Variants in CACNA1E observed in about 807,000 individuals in gnomAD.
The protein encoded by CACNA1E is calcium voltage-gated channel subunit alpha1 E, also known as voltage-dependent R-type calcium channel subunit alpha-1E.
CACNA1E carries 40 observed loss-of-function variants against 259.2 expected under a neutral mutation model. The ratio of observed to expected loss-of-function variants is 0.15; its 90% CI spans 0.12 to 0.20. CACNA1E has a LOEUF of 0.20. Among genes scored for constraint, CACNA1E ranks in the 10% least tolerant of loss-of-function variants. The pLI, the probability that CACNA1E is intolerant of heterozygous loss-of-function variation, is 1.00. For synonymous variants in CACNA1E, 1,104 were observed against 1,138.5 expected, an observed-to-expected ratio of 0.97 and a Z score of 0.61; for missense variants, 1,874 against 3,040.1, an observed-to-expected ratio of 0.62 and a Z score of 9.02.
intron 3 of CACNA1E, among the ~76,000 whole-genome samples, chr1:181,541,268 A>G (rs1200108953): frequency 6.6e-6 from 1 of 152,206 alleles, no homozygotes; most frequent in East Asian, 1.9e-4. Context: ...TTAGGCAGAA[A>G]TGTTGTACTT....
At chr1:181,418,899 T>C (rs1014285472) in intron 2 of CACNA1E, among the ~76,000 whole-genome samples, 6 of 152,062 alleles carry the variant, frequency 3.9e-5, no homozygotes, top group African/African-American at 7.2e-5. Flanking sequence ...TAAATATTAA[T>C]TAATTTATCC....
intron 6 of CACNA1E, among the ~76,000 whole-genome samples, chr1:181,616,271 A>G (rs868717946): frequency 1.3e-5 from 2 of 151,618 alleles, no homozygotes; most frequent in Non-Finnish European, 2.9e-5. Flanking sequence ...AGATTGAAGT[A>G]TTTTCTTCCT....
chr1:181,659,000 C>A (rs1248825745), intron 7 of CACNA1E, among the ~76,000 whole-genome samples: 1 of 151,948 alleles, frequency 6.6e-6, no homozygotes, highest in South Asian at 2.1e-4. Context: ...GAGCTTTCTC[C>A]TTAGAGTGGG....
intron 1 of CACNA1E, among the ~76,000 whole-genome samples, chr1:181,502,117 G>A (rs946799997): frequency 9.9e-5 from 15 of 152,058 alleles, no homozygotes; most frequent in Non-Finnish European, 1.8e-4. Context: ...TATGCAGGGT[G>A]GACTTCCAGG....
intron 19 of CACNA1E, among the ~76,000 whole-genome samples, chr1:181,731,764 T>C (rs569081077): frequency 1.3e-5 from 2 of 152,244 alleles, no homozygotes; most frequent in South Asian, 2.1e-4. Flanking sequence ...GTTTTGAGTA[T>C]GAGCTGCTGG....
intron 3 of CACNA1E, among the ~76,000 whole-genome samples, chr1:181,519,415 C>T (rs973940932): frequency 1.3e-5 from 2 of 151,950 alleles, no homozygotes; most frequent in South Asian, 2.1e-4. Flanking sequence ...GAGTGGTTAC[C>T]AAAGGGAAGG....
At chr1:181,785,455 A>T (rs1412887998) in intron 42 of CACNA1E, 37 bp downstream of exon 42, 1 of 1,414,576 alleles carries the variant, frequency 7.1e-7, no homozygotes, top group African/African-American at 1.4e-5. Flanking sequence ...TGGGTGGGCC[A>T]TGAGGAGTTG....
chr1:181,592,461 A>T (rs928537053), intron 6 of CACNA1E, among the ~76,000 whole-genome samples: 1 of 123,088 alleles, frequency 8.1e-6, no homozygotes, highest in African/African-American at 3.1e-5. Context: ...GTCCTGCCTC[A>T]CTACAGCTCA....
At chr1:181,372,421 T>C (rs2101962227) in intron 1 of CACNA1E, among the ~76,000 whole-genome samples, 1 of 152,306 alleles carries the variant, frequency 6.6e-6, no homozygotes, top group South Asian at 2.1e-4. Context: ...TGTATAGAAA[T>C]AATACTGATT....
intron 7 of CACNA1E, among the ~76,000 whole-genome samples, chr1:181,692,204 T>A (rs1162995492): frequency 6.6e-6 from 1 of 152,170 alleles, no homozygotes; most frequent in Non-Finnish European, 1.5e-5. Context: ...TGCTCATGAA[T>A]TGGAAGAGTC....
At chr1:181,568,835 G>T (rs916712682) in intron 3 of CACNA1E, among the ~76,000 whole-genome samples, 2 of 152,098 alleles carry the variant, frequency 1.3e-5, no homozygotes, top group African/African-American at 4.8e-5. Context: ...GAAGTCCTGG[G>T]CCCAAGCAAT....
chr1:181,777,580 G>A (rs1660070352), intron 38 of CACNA1E, among the ~76,000 whole-genome samples: 5 of 152,124 alleles, frequency 3.3e-5, no homozygotes, highest in Admixed American at 2.0e-4. Context: ...GAAAGCAATG[G>A]GCAGTGTGTT....
intron 2 of CACNA1E, among the ~76,000 whole-genome samples, chr1:181,449,619 T>C (rs1661017927): frequency 6.6e-6 from 1 of 152,212 alleles, no homozygotes; most frequent in Non-Finnish European, 1.5e-5. Context: ...CATGAAGTGG[T>C]GTTGGCTTCT....
chr1:181,707,277 C>T (rs1397289888), intron 7 of CACNA1E, among the ~76,000 whole-genome samples: 2 of 152,218 alleles, frequency 1.3e-5, no homozygotes, highest in Non-Finnish European at 2.9e-5. Flanking sequence ...CCCAGTGGTG[C>T]ACATTCGTTG....
chr1:181,412,957 G>A (rs1280952270), intron 1 of CACNA1E, among the ~76,000 whole-genome samples: 1 of 152,248 alleles, frequency 6.6e-6, no homozygotes, highest in Non-Finnish European at 1.5e-5. Context: ...GCTCCACTGT[G>A]TGCCAGTTTG....
intron 1 of CACNA1E, among the ~76,000 whole-genome samples, chr1:181,501,311 A>G (rs1665231294): frequency 6.6e-6 from 1 of 152,242 alleles, no homozygotes; most frequent in African/African-American, 2.4e-5. Flanking sequence ...TTATTTTCTC[A>G]GAACCAGCAC....
At chr1:181,651,600 A>G in intron 7 of CACNA1E, 159 bp downstream of exon 7, 1 of 577,276 alleles carries the variant, frequency 1.7e-6, no homozygotes, top group Non-Finnish European at 3.1e-6. Flanking sequence ...CTGGGAATGC[A>G]GTAGTGAACC....
intron 1 of CACNA1E, among the ~76,000 whole-genome samples, chr1:181,377,132 G>A (rs979107102): frequency 6.6e-6 from 1 of 152,272 alleles, no homozygotes; most frequent in Middle Eastern, 3.4e-3. Context: ...CGTAAAAAGG[G>A]GTTACATGAA....
intron 2 of CACNA1E, among the ~76,000 whole-genome samples, chr1:181,453,764 A>G (rs1661296097): frequency 6.6e-6 from 1 of 152,202 alleles, no homozygotes. Context: ...GGTGTGGTTG[A>G]TGATAGAGAG....
Sources: gnomAD v4.1 joint callset for allele counts (sites outside exome capture counted in the v4.1 genomes callset) on GRCh38, gnomAD v4.1.1 for gene constraint, MANE v1.5 for transcripts, NCBI Gene and HGNC (gene_info 2026-07-23, HGNC 2026-07-21) for gene names.